DAB1: variants seen among roughly 807,000 people sequenced by gnomAD.
DAB1 encodes DAB adaptor protein 1.
Under a neutral mutation model 64.6 loss-of-function variants are expected in DAB1, and 15 were observed. The ratio of observed to expected loss-of-function variants is 0.23; its 90% CI spans 0.16 to 0.36. The LOEUF is 0.36. DAB1 is among the 10% of genes least tolerant of loss of function. The pLI, the probability that DAB1 is intolerant of heterozygous loss-of-function variation, is 1.00. For missense variants in DAB1, 596 were observed against 706.7 expected (o/e 0.84, Z 1.78); for synonymous variants, 235 against 251.9 (o/e 0.93, Z 0.64).
intron 3 of DAB1, among the ~76,000 whole-genome samples, chr1:58,406,133 T>C (rs1644613660): frequency 6.6e-6 from 1 of 152,148 alleles, no homozygotes; most frequent in South Asian, 2.1e-4. Context: ...GGCCAGCAAA[T>C]CTGAGACCAC....
intron 4 of DAB1, among the ~76,000 whole-genome samples, chr1:58,311,947 A>T (rs946507811): frequency 6.6e-6 from 1 of 152,198 alleles, no homozygotes; most frequent in African/African-American, 2.4e-5. Context: ...AAAGTTAGGC[A>T]GTTGCTGCAT....
chr1:57,519,221 T>C (rs900636950), intron 7 of DAB1, among the ~76,000 whole-genome samples: 2 of 152,146 alleles, frequency 1.3e-5, no homozygotes, highest in African/African-American at 2.4e-5. Context: ...ATCAACTCTA[T>C]AAATACTTAT....
intron 14 of DAB1, among the ~76,000 whole-genome samples, chr1:57,001,725 C>T (rs1428208266): frequency 2.6e-5 from 4 of 152,194 alleles, no homozygotes; most frequent in Non-Finnish European, 5.9e-5. Flanking sequence ...CCCTCACATG[C>T]TGGAGTTTTC....
chr1:57,222,842 A>T (rs984155836), intron 2 of DAB1, among the ~76,000 whole-genome samples: 3 of 152,244 alleles, frequency 2.0e-5, no homozygotes, highest in Non-Finnish European at 4.4e-5. Context: ...GGGAGTTATG[A>T]TAGGAATAAT....
At chr1:57,315,746 C>T (rs1211736845) in intron 1 of DAB1, among the ~76,000 whole-genome samples, 2 of 152,186 alleles carry the variant, frequency 1.3e-5, no homozygotes, top group African/African-American at 4.8e-5. Flanking sequence ...TCGTGATCCG[C>T]CCGCCTTGGC....
intron 7 of DAB1, among the ~76,000 whole-genome samples, chr1:57,578,956 A>G (rs1365379011): frequency 6.6e-6 from 1 of 152,220 alleles, no homozygotes; most frequent in African/African-American, 2.4e-5. Context: ...CTATGAAAGG[A>G]GTTGGTCTTC....
intron 5 of DAB1, among the ~76,000 whole-genome samples, chr1:58,017,476 A>G (rs1430403769): frequency 6.6e-6 from 1 of 152,312 alleles, no homozygotes; most frequent in East Asian, 1.9e-4. Flanking sequence ...ACCCAAGCAG[A>G]GCTGAAATGC....
chr1:58,026,591 A>G (rs1329287377), intron 5 of DAB1, among the ~76,000 whole-genome samples: 1 of 152,204 alleles, frequency 6.6e-6, no homozygotes, highest in Non-Finnish European at 1.5e-5. Flanking sequence ...AGTCCTAGAA[A>G]TAGAAGACTC....
chr1:58,008,564 A>T (rs1009959364), intron 5 of DAB1, among the ~76,000 whole-genome samples: 1 of 152,190 alleles, frequency 6.6e-6, no homozygotes, highest in Non-Finnish European at 1.5e-5. Context: ...GATAAAGATC[A>T]GGGAGCTCAA....
exon 2 of DAB1, chr1:58,527,294 T>C: frequency 1.1e-6 from 1 of 872,344 alleles, no homozygotes; most frequent in Non-Finnish European, 2.0e-6. Flanking sequence ...TTTTGTCAGC[T>C]TCGGCCTCCA....
At chr1:58,083,106 A>C (rs1048279712) in intron 5 of DAB1, among the ~76,000 whole-genome samples, 2 of 152,176 alleles carry the variant, frequency 1.3e-5, no homozygotes, top group African/African-American at 4.8e-5. Flanking sequence ...ACATTTCTTT[A>C]CATCTTTTCC....
At chr1:57,103,600 T>C (rs481655) in intron 4 of DAB1, among the ~76,000 whole-genome samples, 122,165 of 151,906 alleles carry the variant, frequency 0.8, 49,305 homozygotes, top group East Asian at 0.98. Context: ...AGCCCAGGCA[T>C]GCTGGGGAGG....
intron 5 of DAB1, among the ~76,000 whole-genome samples, chr1:57,971,226 T>C (rs766826412): frequency 6.6e-6 from 1 of 152,338 alleles, no homozygotes; most frequent in South Asian, 2.1e-4. Flanking sequence ...GAGTTTCCCT[T>C]GACTTGGACA....
At chr1:57,453,310 G>A (rs899948894) in intron 7 of DAB1, among the ~76,000 whole-genome samples, 4 of 152,126 alleles carry the variant, frequency 2.6e-5, no homozygotes, top group Non-Finnish European at 5.9e-5. Flanking sequence ...TGCAATTTCT[G>A]TATTCATGTA....
intron 6 of DAB1, among the ~76,000 whole-genome samples, chr1:57,820,049 C>T (rs529377509): frequency 3.7e-4 from 57 of 152,292 alleles, no homozygotes; most frequent in Non-Finnish European, 4.7e-4. Context: ...TTCAGAGCAG[C>T]CGTGCAAAGT....
chr1:57,822,992 T>C (rs1472046960), downstream of DAB1, among the ~76,000 whole-genome samples: 1 of 149,660 alleles, frequency 6.7e-6, no homozygotes, highest in Admixed American at 6.6e-5. Flanking sequence ...AATTTTTTTT[T>C]TTTTTTTTTT....
intron 5 of DAB1, among the ~76,000 whole-genome samples, chr1:57,917,682 A>G (rs2102017944): frequency 6.6e-6 from 1 of 152,278 alleles, no homozygotes; most frequent in Non-Finnish European, 1.5e-5. Context: ...CTATCCATAT[A>G]CTTCCAGGAA....
At chr1:57,020,081 G>A (rs1262937924) in intron 11 of DAB1, among the ~76,000 whole-genome samples, 1 of 152,020 alleles carries the variant, frequency 6.6e-6, no homozygotes, top group East Asian at 1.9e-4. Context: ...TTAGTGTGTG[G>A]AGACAAAACA....
intron 7 of DAB1, among the ~76,000 whole-genome samples, chr1:57,439,431 T>TTTTTTTTTTGTTTTTTTTTTTTTTG (rs1685839602): frequency 8.0e-6 from 1 of 125,174 alleles, no homozygotes; most frequent in South Asian, 3.1e-4. Context: ...TTTTCTTTTT[T>TTTTTTTTTTGTTTTTTTTTTTTTTG]TTTTTTTTTT....
Sources: allele counts gnomAD v4.1 joint callset (sites outside exome capture counted in the v4.1 genomes callset), GRCh38; gene constraint gnomAD v4.1.1; transcripts MANE v1.5; gene names NCBI Gene and HGNC (gene_info 2026-07-23, HGNC 2026-07-21).